The following AFF1 variants were observed in gnomAD, a reference collection of about 807,000 sequenced individuals.
The protein encoded by AFF1 is AF4/FMR2 family member 1.
A neutral mutation model predicts 121.7 loss-of-function variants in AFF1; 48 were observed. The ratio of observed to expected loss-of-function variants is 0.39; its 90% CI spans 0.31 to 0.50. The LOEUF is 0.50. AFF1 is among the 20% of genes least tolerant of loss of function. The pLI is 0.76. For synonymous variants in AFF1, 613 were observed against 563.0 expected (o/e 1.09, Z -1.26); for missense variants, 1,523 against 1,511.7 (o/e 1.01, Z -0.12).
intron 5 of AFF1, among the ~76,000 whole-genome samples, chr4:87,084,589 TAAA>T (rs1198014485): frequency 7.1e-6 from 1 of 140,308 alleles, no homozygotes; most frequent in African/African-American, 2.7e-5. Flanking sequence ...AATAAATAAA[TAAA>T]TAAATAAATA....
At chr4:86,991,800 A>C (rs1724745680) in intron 2 of AFF1, among the ~76,000 whole-genome samples, 1 of 150,756 alleles carries the variant, frequency 6.6e-6, no homozygotes, top group South Asian at 2.1e-4. Flanking sequence ...AAATTAATCC[A>C]ACAGGACTGG....
At chr4:87,116,840 G>GTGTGTGTA (rs1216537730) in intron 12 of AFF1, among the ~76,000 whole-genome samples, 1 of 152,104 alleles carries the variant, frequency 6.6e-6, no homozygotes, top group African/African-American at 2.4e-5. Flanking sequence ...GGGTGTGTGT[G>GTGTGTGTA]TGTGTGTATG....
intron 2 of AFF1, among the ~76,000 whole-genome samples, chr4:87,023,563 A>G (rs1728243141): frequency 6.6e-6 from 1 of 152,112 alleles, no homozygotes; most frequent in Admixed American, 6.6e-5. Context: ...TAGTTATTTC[A>G]ATAGGTGTTG....
intron 2 of AFF1, among the ~76,000 whole-genome samples, chr4:86,960,987 A>G (rs556617422): frequency 1.3e-5 from 2 of 152,360 alleles, no homozygotes; most frequent in Admixed American, 1.3e-4. Flanking sequence ...AGAAAGGAGC[A>G]GAGGTCACAG....
intron 2 of AFF1, among the ~76,000 whole-genome samples, chr4:86,996,361 T>C (rs1725195308): frequency 1.3e-5 from 2 of 150,040 alleles, no homozygotes; most frequent in African/African-American, 2.5e-5. Context: ...TGGGAGACTT[T>C]TCATTTTGTT....
intron 2 of AFF1, among the ~76,000 whole-genome samples, chr4:86,967,364 T>A (rs1163353605): frequency 6.6e-6 from 1 of 152,186 alleles, no homozygotes; most frequent in Non-Finnish European, 1.5e-5. Context: ...TTTGAGGAAC[T>A]GAATGAAGTT....
rs186870286 is a variant in AFF1 at position 87,120,610 on chromosome 4, C to T, written c.2467-4427C>T. On this transcript the variant is annotated intron_variant, in intron 12 of 20. Transcript: ENST00000395146. The stretch of plus-strand genomic sequence containing the variant: ...GTCTGTTGGGAGGATTCTCAAGAGG[C>T]GCACAAGGTCGGCGTACTGGCTCTG... 2.3e-4 allele frequency among the ~76,000 whole-genome samples: 35 copies of T among 152,334 alleles called. No individual in the cohort carries two copies. The East Asian group carries it at 4.6e-3, about 20-fold the overall frequency.
chr4:87,119,042 A>G (rs1727407167), intron 12 of AFF1, among the ~76,000 whole-genome samples: 1 of 115,068 alleles, frequency 8.7e-6, no homozygotes, highest in African/African-American at 3.4e-5. Context: ...TTCCACACAG[A>G]AAAAGGAGGG....
intron 8 of AFF1, among the ~76,000 whole-genome samples, chr4:87,101,705 A>T (rs1360332243): frequency 3.9e-5 from 6 of 152,118 alleles, no homozygotes; most frequent in African/African-American, 1.4e-4. Context: ...CTATAAGTTT[A>T]CACATTCTCA....
At chr4:87,131,645 TCTAAAGC>T (rs1256142302) in intron 17 of AFF1, 141 bp from the exon 18 acceptor site, 1 of 685,684 alleles carries the variant, frequency 1.5e-6, no homozygotes. Flanking sequence ...GGATTGTTGC[TCTAAAGC>T]CTTGGGTTTT....
At chr4:87,066,995 A>C (rs929054660) in intron 4 of AFF1, among the ~76,000 whole-genome samples, 2 of 152,252 alleles carry the variant, frequency 1.3e-5, no homozygotes, top group African/African-American at 4.8e-5. Context: ...CGATTATATC[A>C]GAGGAGGAGA....
intron 16 of AFF1, among the ~76,000 whole-genome samples, chr4:87,129,749 A>G (rs1728632618): frequency 6.6e-6 from 1 of 152,198 alleles, no homozygotes; most frequent in Non-Finnish European, 1.5e-5. Context: ...CTACATGTGT[A>G]TATGTATAGC....
intron 2 of AFF1, among the ~76,000 whole-genome samples, chr4:86,999,938 C>T (rs1254300788): frequency 6.6e-6 from 1 of 152,056 alleles, no homozygotes; most frequent in African/African-American, 2.4e-5. Context: ...GATGATGAGC[C>T]TGGAGCATCC....
At chr4:87,098,850 G>A (rs1725135888) in intron 8 of AFF1, among the ~76,000 whole-genome samples, 1 of 152,224 alleles carries the variant, frequency 6.6e-6, no homozygotes, top group African/African-American at 2.4e-5. Flanking sequence ...AGTTGGATGA[G>A]AAAGACTGTT....
At chr4:86,969,879 C>CAAAAAATAAAAAAAAAAAA (rs1722814895) in intron 2 of AFF1, among the ~76,000 whole-genome samples, 1 of 63,610 alleles carries the variant, frequency 1.6e-5, no homozygotes, top group African/African-American at 5.4e-5. Flanking sequence ...GACTCCGTCT[C>CAAAAAATAAAAAAAAAAAA]AAAAAAAAAA....
chr4:87,100,938 T>C (rs1294643950), intron 8 of AFF1, among the ~76,000 whole-genome samples: 2 of 152,204 alleles, frequency 1.3e-5, no homozygotes, highest in Non-Finnish European at 2.9e-5. Context: ...CCATGGAGTT[T>C]AAATAATCTT....
At chr4:87,031,436 TA>T (rs749221894) in intron 2 of AFF1, among the ~76,000 whole-genome samples, 163 of 148,310 alleles carry the variant, frequency 1.1e-3, no homozygotes, top group Non-Finnish European at 1.7e-3. Flanking sequence ...ACTCTTAGCA[TA>T]TGTTTTTTTT....
chr4:86,985,170 A>ATTACT lies in AFF1; in HGVS notation c.38+36599_38+36600insTTACT, dbSNP rs56321529. 4.6e-3 allele frequency among the ~76,000 whole-genome samples: 436 copies of ATTACT among 95,772 alleles called. 4 individuals are homozygous for ATTACT. The highest frequency in any genetic ancestry group is 6.8e-3 in the Non-Finnish European group (351 of 51,346). 62.8% of individuals were successfully genotyped at this position (95,772 alleles called of 152,430 possible). On this transcript the variant is annotated intron_variant, in intron 2 of 20. Coordinates refer to ENST00000395146, the MANE Select transcript of AFF1 (RefSeq NM_001166693.3). The stretch of plus-strand genomic sequence containing the variant: ...TAATATATAAAAATATAATATATAT[A>ATTACT]ATATGTATTACTATATATATATATA...
chr4:86,990,987 A>C (rs1318384946), intron 2 of AFF1, among the ~76,000 whole-genome samples: 1 of 151,890 alleles, frequency 6.6e-6, no homozygotes, highest in African/African-American at 2.4e-5. Context: ...CCTTGTCTCT[A>C]CTAAAAATGT....
Sources: gnomAD v4.1 joint callset for allele counts (sites outside exome capture counted in the v4.1 genomes callset) on GRCh38, gnomAD v4.1.1 for gene constraint, MANE v1.5 for transcripts, NCBI Gene and HGNC (gene_info 2026-07-23, HGNC 2026-07-21) for gene names.